RAB38: variants seen among roughly 807,000 people sequenced by gnomAD.
RAB38 encodes ras-related protein Rab-38.
RAB38 carries 15 observed loss-of-function variants against 18.4 expected under a neutral mutation model. The ratio of observed to expected loss-of-function variants is 0.82; its 90% confidence interval spans 0.55 to 1.26. The LOEUF is 1.26. Among genes scored for constraint, RAB38 ranks in the 50% most tolerant of loss-of-function variants. RAB38 has a pLI of 0.00. For missense variants in RAB38, 294 were observed against 267.4 expected (o/e 1.10, Z -0.69); for synonymous variants, 101 against 104.4 (o/e 0.97, Z 0.20).
At chr11:88,120,526 G>A (rs552917880) in intron 2 of RAB38, among the ~76,000 whole-genome samples, 16 of 152,298 alleles carry the variant, frequency 1.1e-4, no homozygotes, top group Middle Eastern at 6.8e-3. Flanking sequence ...CCAGAGTTTG[G>A]TGTAACAGTC....
At chr11:88,141,084 T>G (rs186504937) in intron 2 of RAB38, among the ~76,000 whole-genome samples, 67 of 152,260 alleles carry the variant, frequency 4.4e-4, no homozygotes, top group African/African-American at 1.6e-3. Flanking sequence ...GATGTTTTCT[T>G]CCTCCCACAG....
At chr11:88,094,542 G>T in the RAB38 span, among the ~76,000 whole-genome samples, 1 of 151,808 alleles carries the variant, frequency 6.6e-6, no homozygotes, top group Non-Finnish European at 1.5e-5. Context: ...AACTCCTCAT[G>T]TCTCCACTTT....
chr11:87,962,933 T>C, the RAB38 span, among the ~76,000 whole-genome samples: 1 of 152,196 alleles, frequency 6.6e-6, no homozygotes, highest in Non-Finnish European at 1.5e-5. Context: ...TACAATTATT[T>C]GTTGATTTAC....
the RAB38 span, among the ~76,000 whole-genome samples, chr11:87,841,947 A>G: frequency 1.6e-3 from 250 of 152,282 alleles, no homozygotes; most frequent in African/African-American, 5.3e-3. Context: ...GCTGAGTGTT[A>G]TCTTTTTCTT....
the RAB38 span, among the ~76,000 whole-genome samples, chr11:88,005,588 T>G: frequency 1.3e-5 from 2 of 151,300 alleles, no homozygotes; most frequent in Non-Finnish European, 3.0e-5. Context: ...TGCAGAAGTT[T>G]TTTTTTTTAA....
At chr11:88,060,460 TA>T in the RAB38 span, among the ~76,000 whole-genome samples, 1 of 152,208 alleles carries the variant, frequency 6.6e-6, no homozygotes, top group Non-Finnish European at 1.5e-5. Context: ...AGCTTTATTT[TA>T]TATAGAGAGG....
At chr11:88,112,381 A>G (rs1194089606), downstream of RAB38, among the ~76,000 whole-genome samples, 1 of 152,170 alleles carries the variant, frequency 6.6e-6, no homozygotes, top group Non-Finnish European at 1.5e-5. Context: ...TTATGTAGCA[A>G]TTAACTGTTC....
chr11:88,164,259 T>TGGGGGG (rs749101503), intron 1 of RAB38, among the ~76,000 whole-genome samples: 1 of 103,234 alleles, frequency 9.7e-6, no homozygotes, highest in South Asian at 3.0e-4. Context: ...GTGCTCTCGG[T>TGGGGGG]GGGGGGGGGT....
At chr11:87,912,049 G>A in the RAB38 span, among the ~76,000 whole-genome samples, 1 of 151,746 alleles carries the variant, frequency 6.6e-6, no homozygotes, top group Non-Finnish European at 1.5e-5. Flanking sequence ...TCACATTTCT[G>A]GGATAAACTT....
At chr11:88,050,704 T>C in the RAB38 span, among the ~76,000 whole-genome samples, 1 of 152,268 alleles carries the variant, frequency 6.6e-6, no homozygotes, top group East Asian at 1.9e-4. Context: ...AATCTAAGAA[T>C]ATTCTTCTCT....
chr11:87,876,154 G>A, the RAB38 span, among the ~76,000 whole-genome samples: 9 of 151,590 alleles, frequency 5.9e-5, no homozygotes, highest in East Asian at 7.8e-4. Flanking sequence ...CGAAACTGTC[G>A]TGAAAACATG....
At chr11:87,873,024 C>T in the RAB38 span, among the ~76,000 whole-genome samples, 1 of 151,504 alleles carries the variant, frequency 6.6e-6, no homozygotes, top group Non-Finnish European at 1.5e-5. Flanking sequence ...TTTGTAAGAA[C>T]CTCCAGATTG....
chr11:88,078,689 T>C, the RAB38 span, among the ~76,000 whole-genome samples: 4 of 151,806 alleles, frequency 2.6e-5, no homozygotes, highest in South Asian at 6.2e-4. Flanking sequence ...CCCATTAAGA[T>C]AGAGAGTAGA....
chr11:88,016,617 G>A, the RAB38 span, among the ~76,000 whole-genome samples: 1 of 152,002 alleles, frequency 6.6e-6, no homozygotes, highest in East Asian at 1.9e-4. Flanking sequence ...ACAAGGGGGA[G>A]CACTAATACT....
chr11:87,976,660 AT>A, the RAB38 span, among the ~76,000 whole-genome samples: 1 of 115,756 alleles, frequency 8.6e-6, no homozygotes, highest in African/African-American at 3.3e-5. Flanking sequence ...ATAAATATAT[AT>A]AATTTTATAT....
chr11:88,087,570 A>G, the RAB38 span, among the ~76,000 whole-genome samples: 3 of 151,904 alleles, frequency 2.0e-5, no homozygotes, highest in Non-Finnish European at 2.9e-5. Context: ...TTCATAGGCA[A>G]TACGCCCAGA....
At chr11:87,955,824 T>C in the RAB38 span, among the ~76,000 whole-genome samples, 1 of 151,784 alleles carries the variant, frequency 6.6e-6, no homozygotes, top group Non-Finnish European at 1.5e-5. Flanking sequence ...TCATGCCTCA[T>C]AACTCATTAG....
the RAB38 span, among the ~76,000 whole-genome samples, chr11:88,073,248 C>T: frequency 4.0e-4 from 61 of 152,300 alleles, no homozygotes; most frequent in South Asian, 0.012. Flanking sequence ...GGAAACTCTG[C>T]TCTGTAACTC....
the RAB38 span, among the ~76,000 whole-genome samples, chr11:87,807,086 A>G: frequency 6.6e-6 from 1 of 152,168 alleles, no homozygotes; most frequent in African/African-American, 2.4e-5. Context: ...TGAGCTGTGT[A>G]TGCAAGAGAT....
Sources: gnomAD v4.1 joint callset for allele counts (sites outside exome capture counted in the v4.1 genomes callset) on GRCh38, gnomAD v4.1.1 for gene constraint, MANE v1.5 for transcripts, NCBI Gene and HGNC (gene_info 2026-07-23, HGNC 2026-07-21) for gene names.